Variants in PDE4D observed in about 807,000 individuals in gnomAD.
PDE4D encodes the protein phosphodiesterase 4D.
PDE4D carries 24 observed loss-of-function variants against 87.4 expected under a neutral mutation model. That is an observed-to-expected ratio of 0.27 (90% CI 0.20 to 0.39). PDE4D has a LOEUF of 0.39. PDE4D is among the 10% of genes least tolerant of loss of function. The pLI, the probability that PDE4D is intolerant of heterozygous loss-of-function variation, is 1.00. For missense variants in PDE4D, 714 were observed against 1,041.0 expected, an observed-to-expected ratio of 0.69 and a Z score of 4.32; for synonymous variants, 384 against 383.2, an observed-to-expected ratio of 1.00 and a Z score of -0.02.
chr5:59,012,373 T>G (rs1196808078), intron 6 of PDE4D, among the ~76,000 whole-genome samples: 7 of 151,500 alleles, frequency 4.6e-5, no homozygotes, highest in Non-Finnish European at 1.0e-4. Context: ...GGATAAAGAG[T>G]CAAGACCCAT....
In PDE4D at chr5:59,536,504, C is replaced by CAAAAAAAAAAAAAAA. The variant is rs10586960; in HGVS notation, c.456-320551_456-320537dup. Among the ~76,000 whole-genome samples, 24 of 56,374 alleles carry CAAAAAAAAAAAAAAA rather than the reference C, an allele frequency of 4.3e-4. 2 individuals carry two copies. The highest frequency in any genetic ancestry group is 2.1e-3 in the African/African-American group (22 of 10,700). The allele number at this position is 56,374 out of a possible 152,430, so 37.0% of individuals were successfully genotyped here. A position where few individuals can be genotyped will look rare whatever the true frequency, so the allele number is the denominator to read the frequency against. ...TGGGCAACAGAGCAAGACTCAGCCT[C>CAAAAAAAAAAAAAAA]AAAAAAAAAAAAAAAAAAAAAAAAA... is the stretch of plus-strand genomic sequence containing the variant. On this transcript the variant is annotated intron_variant, in intron 1 of 14. Coordinates refer to ENST00000340635, the MANE Select transcript of PDE4D (RefSeq NM_001104631.2).
At chr5:59,411,338 C>G (rs1792646548) in intron 1 of PDE4D, among the ~76,000 whole-genome samples, 5 of 152,186 alleles carry the variant, frequency 3.3e-5, no homozygotes, top group Admixed American at 3.3e-4. Context: ...ATTACTGACA[C>G]TTTATTGTCT....
chr5:60,095,287 G>A (rs1775562393), intron 2 of PDE4D, among the ~76,000 whole-genome samples: 1 of 152,176 alleles, frequency 6.6e-6, no homozygotes. Flanking sequence ...ACCTATGAGT[G>A]AGAACATGTG....
intron 1 of PDE4D, among the ~76,000 whole-genome samples, chr5:59,807,922 G>A (rs533024560): frequency 1.8e-4 from 27 of 152,278 alleles, no homozygotes; most frequent in Non-Finnish European, 2.6e-4. Context: ...GGAGACAGAC[G>A]TCTGTGGTGG....
chr5:59,690,275 A>G (rs7729112), intron 1 of PDE4D, among the ~76,000 whole-genome samples: 12,996 of 152,280 alleles, frequency 0.085, 1,724 homozygotes, highest in African/African-American at 0.29. Flanking sequence ...ATCCTAAGCC[A>G]AAAGAACAAA....
chr5:59,546,811 G>C (rs372410475), intron 1 of PDE4D, among the ~76,000 whole-genome samples: 3 of 152,236 alleles, frequency 2.0e-5, no homozygotes, highest in African/African-American at 7.2e-5. Context: ...ATTGAATTGA[G>C]CAAATCCTGA....
intron 6 of PDE4D, among the ~76,000 whole-genome samples, chr5:59,005,431 C>G (rs991123360): frequency 6.6e-6 from 1 of 152,154 alleles, no homozygotes; most frequent in Non-Finnish European, 1.5e-5. Context: ...AATAAGAAAT[C>G]TTTTCAAAAA....
At chr5:59,936,557 A>C (rs756133280) in intron 3 of PDE4D, among the ~76,000 whole-genome samples, 1 of 152,194 alleles carries the variant, frequency 6.6e-6, no homozygotes, top group Non-Finnish European at 1.5e-5. Context: ...CTGTCTATAG[A>C]TTCCTGCCTT....
chr5:59,111,223 G>C (rs531909805), intron 5 of PDE4D, among the ~76,000 whole-genome samples: 2 of 152,094 alleles, frequency 1.3e-5, no homozygotes, highest in African/African-American at 4.8e-5. Context: ...GAAGTGGCTC[G>C]TTCTCTACCC....
At chr5:59,360,949 C>G (rs1292519664) in intron 1 of PDE4D, among the ~76,000 whole-genome samples, 1 of 152,030 alleles carries the variant, frequency 6.6e-6, no homozygotes. Flanking sequence ...AGGATATAGA[C>G]TAAAACAATC....
chr5:59,275,351 C>A (rs766301996), intron 1 of PDE4D: 1 of 1,596,570 alleles, frequency 6.3e-7, no homozygotes, highest in South Asian at 1.1e-5. Flanking sequence ...ACTGCCTCTG[C>A]AGTCCTTAGG....
chr5:59,473,029 G>C (rs977370930), intron 1 of PDE4D, among the ~76,000 whole-genome samples: 5 of 147,586 alleles, frequency 3.4e-5, no homozygotes, highest in African/African-American at 1.3e-4. Context: ...GACAAAGCTA[G>C]GTTCATGGCC....
chr5:59,549,740 C>T (rs969971077), intron 1 of PDE4D, among the ~76,000 whole-genome samples: 21 of 152,212 alleles, frequency 1.4e-4, no homozygotes, highest in African/African-American at 5.1e-4. Flanking sequence ...TATATATACA[C>T]ACAAACACAC....
intron 1 of PDE4D, among the ~76,000 whole-genome samples, chr5:59,746,797 G>A (rs1353735989): frequency 6.6e-6 from 1 of 151,708 alleles, no homozygotes; most frequent in African/African-American, 2.4e-5. Context: ...CTCTGATGCA[G>A]TGGCTATTTT....
intron 1 of PDE4D, among the ~76,000 whole-genome samples, chr5:59,405,134 G>C (rs1420885267): frequency 6.6e-6 from 1 of 152,106 alleles, no homozygotes; most frequent in Admixed American, 6.6e-5. Context: ...TTGGTATTTT[G>C]ATAGAGATTG....
chr5:60,355,538 T>A (rs1412846256), intron 1 of PDE4D, among the ~76,000 whole-genome samples: 1 of 152,098 alleles, frequency 6.6e-6, no homozygotes, highest in Non-Finnish European at 1.5e-5. Flanking sequence ...TTTAATCTAC[T>A]ACAGCTGACC....
chr5:59,238,700 G>C (rs1757012506), intron 1 of PDE4D, among the ~76,000 whole-genome samples: 2 of 152,226 alleles, frequency 1.3e-5, no homozygotes, highest in South Asian at 4.1e-4. Context: ...CCACATCAAA[G>C]GCTCTATTTC....
chr5:59,279,781 A>G (rs1425209647), intron 1 of PDE4D, among the ~76,000 whole-genome samples: 2 of 151,086 alleles, frequency 1.3e-5, no homozygotes. Flanking sequence ...CATGATGTGT[A>G]TGTGTGCATG....
intron 1 of PDE4D, among the ~76,000 whole-genome samples, chr5:59,524,195 G>GAAA (rs34781216): frequency 6.6e-6 from 1 of 152,202 alleles, no homozygotes; most frequent in Non-Finnish European, 1.5e-5. Context: ...GAAAATGTGG[G>GAAA]AAAATGTGCA....
Sources: allele counts gnomAD v4.1 joint callset (sites outside exome capture counted in the v4.1 genomes callset), GRCh38; gene constraint gnomAD v4.1.1; transcripts MANE v1.5; gene names NCBI Gene and HGNC (gene_info 2026-07-23, HGNC 2026-07-21).